CCDC148: variants seen among roughly 807,000 people sequenced by gnomAD.
CCDC148 encodes the protein coiled-coil domain-containing protein 148.
In CCDC148, 89 loss-of-function variants were observed where a neutral mutation model predicts 85.7. The observed-to-expected ratio is 1.04, with a 90% CI of 0.87 to 1.24. CCDC148 has a LOEUF of 1.24. CCDC148 is among the 50% of genes most tolerant of loss of function. The pLI, the probability that CCDC148 is intolerant of heterozygous loss-of-function variation, is 0.00. For synonymous variants in CCDC148, 230 were observed against 213.9 expected, an observed-to-expected ratio of 1.08 and a Z score of -0.66; for missense variants, 692 against 671.7, an observed-to-expected ratio of 1.03 and a Z score of -0.33.
At chr2:158,323,361 G>T (rs768309545) in intron 7 of CCDC148, among the ~76,000 whole-genome samples, 1 of 152,182 alleles carries the variant, frequency 6.6e-6, no homozygotes, top group Non-Finnish European at 1.5e-5. Context: ...TTGATTGTAT[G>T]TTGAAATTAT....
chr2:158,214,078 T>C (rs1176472517), intron 11 of CCDC148, among the ~76,000 whole-genome samples: 1 of 118,476 alleles, frequency 8.4e-6, no homozygotes, highest in Non-Finnish European at 1.6e-5. Context: ...ACTTGGAGCA[T>C]AGAGTTACAG....
At chr2:158,253,576 C>T (rs1015342882) in intron 9 of CCDC148, among the ~76,000 whole-genome samples, 4 of 151,710 alleles carry the variant, frequency 2.6e-5, no homozygotes, top group African/African-American at 9.7e-5. Flanking sequence ...ACAGTCCATG[C>T]ATTTGCCTTC....
chr2:158,283,991 T>C lies in CCDC148; in HGVS notation c.1110+25442A>G, dbSNP rs560504796. ...GTCCTTTGTAGGGACATGGATGAAA[T>C]TGGAAATCATCATTCTCAGTAAACT... On this transcript the variant is annotated intron_variant, in intron 9 of 13. Transcript: ENST00000283233. 5.5e-4 allele frequency among the ~76,000 whole-genome samples: 82 copies of C among 149,860 alleles called. 1 individual carries two copies. Among genetic ancestry groups the C allele is most frequent in the African/African-American group, 1.8e-3 (74 of 40,918 alleles).
chr2:158,398,167 C>T (rs2105303366), intron 1 of CCDC148, among the ~76,000 whole-genome samples: 1 of 152,218 alleles, frequency 6.6e-6, no homozygotes, highest in Admixed American at 6.5e-5. Context: ...GCCTCCCACA[C>T]AATAATAATG....
chr2:158,283,750 AT>A (rs1270520806), intron 9 of CCDC148, among the ~76,000 whole-genome samples: 1 of 151,946 alleles, frequency 6.6e-6, no homozygotes, highest in African/African-American at 2.4e-5. Flanking sequence ...TAGAAATACC[AT>A]TTGACCCAGC....
At chr2:158,227,379 G>A (rs1687602079) in intron 10 of CCDC148, among the ~76,000 whole-genome samples, 1 of 151,788 alleles carries the variant, frequency 6.6e-6, no homozygotes, top group African/African-American at 2.4e-5. Context: ...TGGCCATACT[G>A]CCCAAGGTAA....
At chr2:158,432,143 C>G (rs1312469734) in intron 1 of CCDC148, among the ~76,000 whole-genome samples, 1 of 150,718 alleles carries the variant, frequency 6.6e-6, no homozygotes, top group Non-Finnish European at 1.5e-5. Flanking sequence ...AAAATTATAA[C>G]TAATAATATC....
At chr2:158,248,914 G>A (rs1450586515) in intron 10 of CCDC148, among the ~76,000 whole-genome samples, 1 of 152,012 alleles carries the variant, frequency 6.6e-6, no homozygotes. Flanking sequence ...CCATTACTCT[G>A]TTCAGTTCTT....
intron 1 of CCDC148, among the ~76,000 whole-genome samples, chr2:158,389,399 G>C (rs1403801231): frequency 1.3e-5 from 2 of 152,166 alleles, no homozygotes; most frequent in South Asian, 4.1e-4. Flanking sequence ...GTTTATGTAT[G>C]ACAGAATTCA....
intron 11 of CCDC148, among the ~76,000 whole-genome samples, chr2:158,195,108 T>C (rs1242762017): frequency 6.6e-6 from 1 of 152,024 alleles, no homozygotes; most frequent in Non-Finnish European, 1.5e-5. Flanking sequence ...TGGACCTACA[T>C]TGGAGAAATT....
At chr2:158,424,267 T>C (rs12694960) in intron 1 of CCDC148, among the ~76,000 whole-genome samples, 54,597 of 151,990 alleles carry the variant, frequency 0.36, 11,163 homozygotes, top group East Asian at 0.61. Context: ...CACATGCACA[T>C]GTATGTTTAT....
intron 5 of CCDC148, 27 bp downstream of exon 5, chr2:158,340,215 T>C: frequency 6.2e-7 from 1 of 1,604,588 alleles, no homozygotes; most frequent in Non-Finnish European, 8.5e-7. Context: ...AATATTACAT[T>C]ATGGAAAATA....
chr2:158,213,820 T>C (rs1686700817), intron 11 of CCDC148, among the ~76,000 whole-genome samples: 1 of 152,052 alleles, frequency 6.6e-6, no homozygotes, highest in East Asian at 1.9e-4. Context: ...AAAATAAACA[T>C]ATACATCAAA....
At chr2:158,334,088 T>C (rs1693295173) in intron 7 of CCDC148, among the ~76,000 whole-genome samples, 1 of 152,166 alleles carries the variant, frequency 6.6e-6, no homozygotes, top group African/African-American at 2.4e-5. Context: ...GAACTTGATA[T>C]AGCTCCTGGA....
chr2:158,327,724 C>T (rs769132840), intron 7 of CCDC148, among the ~76,000 whole-genome samples: 6 of 152,234 alleles, frequency 3.9e-5, no homozygotes, highest in Admixed American at 2.0e-4. Context: ...TTATTGATAT[C>T]GTTAAATTCA....
At chr2:158,243,693 T>C (rs1574474924) in intron 10 of CCDC148, among the ~76,000 whole-genome samples, 1 of 152,238 alleles carries the variant, frequency 6.6e-6, no homozygotes, top group Non-Finnish European at 1.5e-5. Context: ...CAAAGGACTG[T>C]ATATTCACAC....
chr2:158,334,305 T>C (rs1693308884), intron 7 of CCDC148, among the ~76,000 whole-genome samples: 1 of 152,116 alleles, frequency 6.6e-6, no homozygotes, highest in African/African-American at 2.4e-5. Flanking sequence ...TCTCTCCAAT[T>C]TTGGGGGAAG....
At chr2:158,417,075 A>G (rs1315435888) in intron 1 of CCDC148, among the ~76,000 whole-genome samples, 1 of 152,170 alleles carries the variant, frequency 6.6e-6, no homozygotes, top group East Asian at 1.9e-4. Flanking sequence ...CTCACTCAAT[A>G]TCATAAGAAC....
intron 3 of CCDC148, among the ~76,000 whole-genome samples, chr2:158,344,327 C>T (rs1331596477): frequency 6.6e-6 from 1 of 151,988 alleles, no homozygotes; most frequent in East Asian, 1.9e-4. Context: ...AATGTAAAAC[C>T]ACTTTCAATT....
Sources: allele counts gnomAD v4.1 joint callset (sites outside exome capture counted in the v4.1 genomes callset), GRCh38; gene constraint gnomAD v4.1.1; transcripts MANE v1.5; gene names NCBI Gene and HGNC (gene_info 2026-07-23, HGNC 2026-07-21).